Variants in TET3 observed in about 807,000 individuals in gnomAD.
TET3 encodes methylcytosine dioxygenase TET3.
Under a neutral mutation model 141.4 loss-of-function variants are expected in TET3, and 19 were observed. The observed-to-expected ratio is 0.13, with a 90% CI of 0.09 to 0.20. The LOEUF (loss-of-function observed/expected upper bound fraction) is 0.20, where lower values mean the gene tolerates loss of function less well. TET3 is among the 10% of genes least tolerant of loss of function. The probability of loss-of-function intolerance (pLI) is 1.00; values close to 1 mark genes in which losing one functional copy is unlikely to be tolerated. For missense variants in TET3, 1,874 were observed against 2,356.9 expected, an observed-to-expected ratio of 0.80 and a Z score of 4.24; for synonymous variants, 1,043 against 980.9, an observed-to-expected ratio of 1.06 and a Z score of -1.18.
rs928095016 is a variant in TET3, at chr2:74,102,456, C to T, written c.*280C>T. On this transcript the variant is annotated 3_prime_UTR_variant, in exon 12 of 12. Transcript: ENST00000409262. ...TTTATATCTCCAAGTTGTCCCCCCC[C>T]CTTGTCTGGGGGGTTTTTATTTTTA... is the stretch of plus-strand genomic sequence containing the variant. 1.4e-5 allele frequency: 4 copies of T among 295,930 alleles called. No individual in the cohort carries two copies. The highest frequency in any genetic ancestry group is 2.2e-5 in the African/African-American group (1 of 46,242). 18.3% of individuals were successfully genotyped at this position (295,930 alleles called of 1,614,324 possible).
chr2:74,061,853 T>C (rs1688608667), intron 4 of TET3, among the ~76,000 whole-genome samples: 2 of 134,276 alleles, frequency 1.5e-5, no homozygotes, highest in Admixed American at 7.3e-5. Flanking sequence ...CCTCACTTCC[T>C]ACATGGGATG....
intron 10 of TET3, among the ~76,000 whole-genome samples, chr2:74,098,253 G>A (rs1256162945): frequency 6.6e-6 from 1 of 152,000 alleles, no homozygotes; most frequent in African/African-American, 2.4e-5. Context: ...ATTGTTTATG[G>A]TATAAAAAAA....
intron 3 of TET3, among the ~76,000 whole-genome samples, chr2:74,023,122 C>T (rs1010079854): frequency 6.6e-6 from 1 of 152,072 alleles, no homozygotes; most frequent in South Asian, 2.1e-4. Context: ...TGCTGCTGTT[C>T]CTTGGACCAC....
chr2:74,072,325 C>G (rs1689255487), intron 4 of TET3, among the ~76,000 whole-genome samples: 1 of 152,112 alleles, frequency 6.6e-6, no homozygotes, highest in Admixed American at 6.6e-5. Flanking sequence ...CCAGCCTGGT[C>G]AACATGGTGA....
intron 4 of TET3, among the ~76,000 whole-genome samples, chr2:74,055,274 G>T (rs561546812): frequency 6.6e-6 from 1 of 152,228 alleles, no homozygotes; most frequent in South Asian, 2.1e-4. Flanking sequence ...TTGGTCAACT[G>T]GTCAGCCTTA....
intron 3 of TET3, among the ~76,000 whole-genome samples, chr2:74,012,886 G>T (rs184520416): frequency 9.9e-5 from 15 of 152,132 alleles, no homozygotes; most frequent in African/African-American, 3.6e-4. Flanking sequence ...CCAATTAGTA[G>T]TGGATGTTTG....
intron 3 of TET3, among the ~76,000 whole-genome samples, chr2:74,028,051 C>G (rs535097677): frequency 6.6e-6 from 1 of 151,696 alleles, no homozygotes; most frequent in South Asian, 2.1e-4. Context: ...GTGGAGTGAT[C>G]ATGGCTCACT....
chr2:74,065,764 G>C (rs4621184), intron 4 of TET3, among the ~76,000 whole-genome samples: 45,853 of 120,538 alleles, frequency 0.38, 7,555 homozygotes, highest in African/African-American at 0.48. Flanking sequence ...CTTCTCTTTT[G>C]TTTTTTCTTT....
At chr2:74,090,337 G>A (rs559631028) in intron 8 of TET3, among the ~76,000 whole-genome samples, 49 of 152,324 alleles carry the variant, frequency 3.2e-4, no homozygotes, top group African/African-American at 1.2e-3. Flanking sequence ...CAAATCGCTT[G>A]TCAGAATTTG....
At chr2:74,001,119 AC>A (rs1558699171) in intron 2 of TET3, among the ~76,000 whole-genome samples, 1 of 152,096 alleles carries the variant, frequency 6.6e-6, no homozygotes, top group Non-Finnish European at 1.5e-5. Context: ...ATGCTTTGCC[AC>A]CTGCCTCCCT....
At chr2:74,120,061 C>G in the TET3 span, among the ~76,000 whole-genome samples, 1 of 152,208 alleles carries the variant, frequency 6.6e-6, no homozygotes, top group African/African-American at 2.4e-5. Context: ...GCCCTGTTAC[C>G]TCGGGCCTCT....
the TET3 span, among the ~76,000 whole-genome samples, chr2:74,131,492 C>T: frequency 1.3e-5 from 2 of 152,150 alleles, no homozygotes; most frequent in African/African-American, 4.8e-5. Flanking sequence ...TTTGCAGCCT[C>T]AGGTCCTCTC....
intron 4 of TET3, among the ~76,000 whole-genome samples, chr2:74,049,543 T>G (rs556147580): frequency 6.6e-6 from 1 of 152,170 alleles, no homozygotes; most frequent in Non-Finnish European, 1.5e-5. Context: ...GTAAAAGATA[T>G]GTGTGTTTCA....
downstream of TET3, among the ~76,000 whole-genome samples, chr2:74,111,723 A>G (rs1232977019): frequency 2.0e-5 from 3 of 152,220 alleles, no homozygotes; most frequent in African/African-American, 7.2e-5. Context: ...GAAAGGTTGA[A>G]TGGCTTGCTC....
the TET3 span, among the ~76,000 whole-genome samples, chr2:74,132,401 G>T: frequency 6.6e-6 from 1 of 152,082 alleles, no homozygotes. Context: ...CTCTTCCCAC[G>T]GCCTGAACAG....
At position 74,047,455 on chromosome 2, in the gene TET3, C is replaced by G; in HGVS notation, c.1538C>G (p.Thr513Arg). 6.2e-7 allele frequency: 1 copy of G among 1,612,536 alleles called. No homozygotes were observed. Among genetic ancestry groups the G allele is most frequent in the East Asian group, 2.2e-5 (1 of 44,854 alleles). ...CCTGTACTTCAGAGGGAGGCTCCCA[C>G]GCCATCCTCGGAGCCCGACACCCAC... ...PSPVLQREAPTPSSEPDTHQK... is the reference protein window; with the variant it reads ...PSPVLQREAPRPSSEPDTHQK... Residue 513 changes from threonine to arginine, a missense_variant, in exon 4 of 12, where the codon ACG (threonine) becomes AGG (arginine). By Grantham distance (71) the Thr-to-Arg change is moderately conservative. Transcript: ENST00000409262.
Position 74,048,094 on chromosome 2 carries a change from G to A in TET3, c.2177G>A (p.Gly726Asp). The change falls in exon 4 of 12, where the codon GGC becomes GAC. Residue 726 changes from glycine (G) to aspartate (D), a missense_variant. Coordinates refer to ENST00000409262, the MANE Select transcript of TET3 (RefSeq NM_001287491.2). ...TTTGGAGATAGCTTTGGGCTTCCCGGCCCCCCTTCTGTGCCCATTCAGGAC... is the reference window on the plus strand; with the variant it reads ...TTTGGAGATAGCTTTGGGCTTCCCGACCCCCCTTCTGTGCCCATTCAGGAC... ...AEFGDSFGLP[G>D]PPSVPIQDPE... The A allele has an allele frequency of 6.2e-7, 1 of 1,613,376 alleles. No individual in the cohort carries two copies. Among genetic ancestry groups the A allele is most frequent in the Non-Finnish European group, 8.5e-7 (1 of 1,179,652 alleles).
chr2:74,110,637 A>G (rs1691680563), downstream of TET3, among the ~76,000 whole-genome samples: 1 of 152,112 alleles, frequency 6.6e-6, no homozygotes, highest in South Asian at 2.1e-4. Context: ...CCAGCACCTC[A>G]TCCCCACTCC....
chr2:74,048,688 A>G lies in TET3; in HGVS notation c.2494+277A>G, dbSNP rs187311242. On this transcript the variant is annotated intron_variant, in intron 4 of 11. Coordinates refer to ENST00000409262, the MANE Select transcript of TET3 (RefSeq NM_001287491.2). ...TAATAGAGGCCTTCTTGTAGGAGGT[A>G]GTACTTGCGCCGAGCCCTACAGAGC... Among the ~76,000 whole-genome samples the G allele has an allele frequency of 3.6e-3, 548 of 152,358 alleles. 3 individuals are homozygous for G. The highest frequency in any genetic ancestry group is 0.013 in the African/African-American group (535 of 41,576).
Sources: gnomAD v4.1 joint callset for allele counts (sites outside exome capture counted in the v4.1 genomes callset) on GRCh38, gnomAD v4.1.1 for gene constraint, MANE v1.5 for transcripts, NCBI Gene and HGNC (gene_info 2026-07-23, HGNC 2026-07-21) for gene names.